The following MARCHF4 variants were observed in gnomAD, a reference collection of about 807,000 sequenced individuals.
MARCHF4 encodes membrane associated ring-CH-type finger 4.
In MARCHF4, 14 loss-of-function variants were observed where a neutral mutation model predicts 43.9. That is an observed-to-expected ratio of 0.32 (90% CI 0.21 to 0.50). The LOEUF is 0.50. MARCHF4 is among the 20% of genes least tolerant of loss of function. The probability of loss-of-function intolerance (pLI) is 0.98; values close to 1 mark genes in which losing one functional copy is unlikely to be tolerated. For missense variants in MARCHF4, 468 were observed against 536.7 expected (o/e 0.87, Z 1.27); for synonymous variants, 226 against 213.3 (o/e 1.06, Z -0.52).
At position 216,278,623 on chromosome 2, in the gene MARCHF4, C is replaced by T. The variant is rs75149396; in HGVS notation, c.673-759G>A. Among the ~76,000 whole-genome samples the T allele has an allele frequency of 9.5e-3, 1,438 of 152,062 alleles. 24 individuals are homozygous for T. Among genetic ancestry groups the T allele is most frequent in the African/African-American group, 0.033 (1,372 of 41,464 alleles). On this transcript the variant is annotated intron_variant, in intron 2 of 3. Coordinates refer to ENST00000273067, the MANE Select transcript of MARCHF4 (RefSeq NM_020814.3). ...TTTTGTTTTTGATTTTTTTTTCTTGCTTTCTACAACATCACCTTGCATGCC... is the reference window on the plus strand; with the variant it reads ...TTTTGTTTTTGATTTTTTTTTCTTGTTTTCTACAACATCACCTTGCATGCC...
intron 1 of MARCHF4, among the ~76,000 whole-genome samples, chr2:216,288,326 C>T (rs1691250090): frequency 6.6e-6 from 1 of 152,170 alleles, no homozygotes; most frequent in African/African-American, 2.4e-5. Flanking sequence ...ACAAGTAAGT[C>T]CTCCTGTTAA....
At chr2:216,369,267 G>A (rs56010645) in intron 1 of MARCHF4, among the ~76,000 whole-genome samples, 14,507 of 152,182 alleles carry the variant, frequency 0.095, 846 homozygotes, top group South Asian at 0.26. Context: ...AAAAGAACAA[G>A]CTTACTGGAT....
intron 1 of MARCHF4, among the ~76,000 whole-genome samples, chr2:216,294,589 T>C (rs1177948473): frequency 1.3e-5 from 2 of 152,196 alleles, no homozygotes; most frequent in Admixed American, 6.5e-5. Context: ...GCTTAAGCAA[T>C]CTAAGCCTTG....
chr2:216,288,971 C>A (rs534644480), intron 1 of MARCHF4, among the ~76,000 whole-genome samples: 1 of 151,128 alleles, frequency 6.6e-6, no homozygotes, highest in Non-Finnish European at 1.5e-5. Context: ...AGCTTTAGAC[C>A]CTCATCAGCC....
intron 2 of MARCHF4, among the ~76,000 whole-genome samples, chr2:216,279,926 T>C (rs533515894): frequency 3.3e-5 from 5 of 152,292 alleles, no homozygotes; most frequent in East Asian, 3.9e-4. Context: ...GTTTCTACCA[T>C]TGAGGCATCC....
At chr2:216,309,601 T>C (rs1691650246) in intron 1 of MARCHF4, among the ~76,000 whole-genome samples, 1 of 152,196 alleles carries the variant, frequency 6.6e-6, no homozygotes, top group South Asian at 2.1e-4. Flanking sequence ...TGAGGAGGGC[T>C]TCCCAGGGAT....
intron 3 of MARCHF4, among the ~76,000 whole-genome samples, chr2:216,267,399 G>A (rs114054190): frequency 0.019 from 2,969 of 152,266 alleles, 99 homozygotes; most frequent in African/African-American, 0.068. Context: ...GGCAGAAGAC[G>A]ACTTCTTCAT....
At chr2:216,312,032 T>C (rs1251317440) in intron 1 of MARCHF4, among the ~76,000 whole-genome samples, 1 of 152,210 alleles carries the variant, frequency 6.6e-6, no homozygotes, top group Non-Finnish European at 1.5e-5. Context: ...GTTACATGGG[T>C]ATATTGTGTA....
intron 1 of MARCHF4, among the ~76,000 whole-genome samples, chr2:216,318,893 C>T (rs1691830144): frequency 6.6e-6 from 1 of 151,984 alleles, no homozygotes; most frequent in South Asian, 2.1e-4. Flanking sequence ...AAGGGACACA[C>T]AAAAATGAAA....
intron 1 of MARCHF4, among the ~76,000 whole-genome samples, chr2:216,287,333 C>T (rs893637037): frequency 2.0e-5 from 3 of 152,094 alleles, no homozygotes; most frequent in Admixed American, 6.5e-5. Flanking sequence ...CCAGCTACTG[C>T]GGCTCCAGCA....
chr2:216,306,167 A>G (rs1238728834), intron 1 of MARCHF4, among the ~76,000 whole-genome samples: 3 of 150,580 alleles, frequency 2.0e-5, no homozygotes, highest in African/African-American at 7.2e-5. Context: ...ATTGAAATTT[A>G]TCTGCATTGA....
At chr2:216,345,247 GC>G (rs946248400) in intron 1 of MARCHF4, among the ~76,000 whole-genome samples, 1 of 152,052 alleles carries the variant, frequency 6.6e-6, no homozygotes, top group African/African-American at 2.4e-5. Flanking sequence ...TAAAAGCACG[GC>G]CCCTTCTTCT....
At chr2:216,347,425 G>C (rs1174265298) in intron 1 of MARCHF4, among the ~76,000 whole-genome samples, 2 of 152,204 alleles carry the variant, frequency 1.3e-5, no homozygotes, top group African/African-American at 4.8e-5. Flanking sequence ...GAGGAGGGTA[G>C]CTTGAACTGA....
chr2:216,259,777 A>G, intron 3 of MARCHF4, 98 bp from the exon 4 acceptor site: 4 of 1,248,962 alleles, frequency 3.2e-6, no homozygotes, highest in Non-Finnish European at 4.5e-6. Context: ...AGGTATGGGC[A>G]ATGGCTCCAG....
chr2:216,351,286 T>C (rs1460541165), intron 1 of MARCHF4: 2 of 152,488 alleles, frequency 1.3e-5, no homozygotes, highest in East Asian at 3.8e-4. Context: ...GAAGCAGAAA[T>C]GTAGTGGAGA....
chr2:216,293,853 G>A lies in MARCHF4; in HGVS notation c.517-10124C>T, dbSNP rs572261478. 4.0e-5 allele frequency among the ~76,000 whole-genome samples: 5 copies of A among 125,130 alleles called. No homozygotes were observed. In the South Asian group the frequency reaches 1.4e-3, roughly 34 times the overall value. The allele number at this position is 125,130 out of a possible 152,430, so 82.1% of individuals were successfully genotyped here. On this transcript the variant is annotated intron_variant, in intron 1 of 3. Transcript: ENST00000273067. ...ATGATCTGCATAATAAACAAACCAA[G>A]CTATATGGGGTCTGGCGGAAAAAAA...
chr2:216,335,131 G>C (rs1471815777), intron 1 of MARCHF4, among the ~76,000 whole-genome samples: 1 of 152,184 alleles, frequency 6.6e-6, no homozygotes, highest in Non-Finnish European at 1.5e-5. Context: ...GAAGGTATCA[G>C]TGACAGACTA....
intron 1 of MARCHF4, among the ~76,000 whole-genome samples, chr2:216,310,935 G>A (rs1198148503): frequency 6.6e-6 from 1 of 152,032 alleles, no homozygotes; most frequent in Non-Finnish European, 1.5e-5. Flanking sequence ...ACAAGTGATG[G>A]GAAGGAGTGG....
intron 3 of MARCHF4, among the ~76,000 whole-genome samples, chr2:216,265,328 TAGA>T (rs1690827664): frequency 6.6e-6 from 1 of 152,214 alleles, no homozygotes; most frequent in Non-Finnish European, 1.5e-5. Flanking sequence ...AATCCAGTTC[TAGA>T]AGAATTGTCT....
Sources: gnomAD v4.1 joint callset for allele counts (sites outside exome capture counted in the v4.1 genomes callset) on GRCh38, gnomAD v4.1.1 for gene constraint, MANE v1.5 for transcripts, NCBI Gene and HGNC (gene_info 2026-07-23, HGNC 2026-07-21) for gene names.